Variants in RBFOX1 observed in about 807,000 individuals in gnomAD.
RBFOX1 encodes RNA binding fox-1 homolog 1, also known as RNA binding protein fox-1 homolog 1.
RBFOX1 carries 8 observed loss-of-function variants against 57.7 expected under a neutral mutation model. The observed-to-expected ratio is 0.14, with a 90% CI of 0.08 to 0.25. The LOEUF (loss-of-function observed/expected upper bound fraction) is 0.25, where lower values mean the gene tolerates loss of function less well. Ranked by LOEUF, RBFOX1 falls within the 10% of genes least tolerant of loss-of-function variation. The pLI, the probability that RBFOX1 is intolerant of heterozygous loss-of-function variation, is 1.00. For synonymous variants in RBFOX1, 326 were observed against 222.4 expected (o/e 1.47, Z -4.15); for missense variants, 611 against 548.5 (o/e 1.11, Z -1.14).
intron 1 of RBFOX1, among the ~76,000 whole-genome samples, chr16:6,280,437 G>A (rs1012297421): frequency 6.6e-6 from 1 of 152,080 alleles, no homozygotes; most frequent in Non-Finnish European, 1.5e-5. Context: ...GAAAGATGGA[G>A]ACAGATTGGA....
chr16:6,680,721 G>A (rs954982994), intron 3 of RBFOX1, among the ~76,000 whole-genome samples: 12 of 152,136 alleles, frequency 7.9e-5, no homozygotes, highest in Admixed American at 4.6e-4. Context: ...AGACTTCTGC[G>A]GTTCTGATTT....
chr16:7,488,362 T>G (rs1017233106), intron 4 of RBFOX1, among the ~76,000 whole-genome samples: 2 of 152,326 alleles, frequency 1.3e-5, no homozygotes, highest in East Asian at 1.9e-4. Flanking sequence ...GATACACATT[T>G]AGATATACAA....
chr16:5,829,059 C>T lies in RBFOX1; in HGVS notation c.319-38244C>T, dbSNP rs561096530. On this transcript the variant is annotated intron_variant, in intron 3 of 19. Transcript: ENST00000641259. Reference sequence around the variant, plus strand: ...GAAGGATCTGCTTTCAAGCCCTTTCCCTGTGCTGCATTCTATTCTTTAGAG... The same window carrying T: ...GAAGGATCTGCTTTCAAGCCCTTTCTCTGTGCTGCATTCTATTCTTTAGAG... Among the ~76,000 whole-genome samples, 5 of 152,238 alleles carry T rather than the reference C, an allele frequency of 3.3e-5. No individual in the cohort carries two copies. The South Asian group carries it at 6.2e-4, about 19-fold the overall frequency.
intron 4 of RBFOX1, among the ~76,000 whole-genome samples, chr16:7,123,092 G>A (rs543696666): frequency 4.6e-5 from 7 of 152,044 alleles, no homozygotes; most frequent in East Asian, 1.9e-4. Context: ...GAGTTTTTGG[G>A]GTGATGGAAC....
intron 4 of RBFOX1, among the ~76,000 whole-genome samples, chr16:6,006,378 A>G (rs2094927366): frequency 6.6e-6 from 1 of 150,572 alleles, no homozygotes; most frequent in South Asian, 2.1e-4. Context: ...CTGTAGGGAA[A>G]AAAAAAAAAG....
At chr16:7,341,130 C>G (rs1381425679) in intron 4 of RBFOX1, among the ~76,000 whole-genome samples, 1 of 151,992 alleles carries the variant, frequency 6.6e-6, no homozygotes, top group Non-Finnish European at 1.5e-5. Flanking sequence ...ATGTTTTTCC[C>G]CCGTCTAAAG....
Position 7,483,888 on chromosome 16 carries a change from AATTC to A in RBFOX1, c.28-34256_28-34253del, listed in dbSNP as rs535136245. On this transcript the variant is annotated intron_variant, in intron 4 of 15. Coordinates refer to ENST00000550418, the MANE Select transcript of RBFOX1 (RefSeq NM_018723.4). ...TTAAGTGATGGTTTATGTACAATCT[AATTC>A]ATCCGCTTAAGTGTACAGTTTGAAT... 4.2e-3 allele frequency among the ~76,000 whole-genome samples: 645 copies of A among 152,352 alleles called. 3 individuals are homozygous for A. The highest frequency in any genetic ancestry group is 0.013 in the South Asian group (65 of 4,830).
intron 3 of RBFOX1, among the ~76,000 whole-genome samples, chr16:7,029,552 G>A (rs1206142634): frequency 2.6e-5 from 4 of 151,934 alleles, no homozygotes; most frequent in African/African-American, 9.7e-5. Flanking sequence ...ATTTTACCTG[G>A]ACTAATATCT....
At chr16:6,593,819 C>CT (rs1208227541) in intron 2 of RBFOX1, among the ~76,000 whole-genome samples, 1 of 152,092 alleles carries the variant, frequency 6.6e-6, no homozygotes, top group Non-Finnish European at 1.5e-5. Context: ...TCAATGAGGA[C>CT]TACGGATATG....
At chr16:7,520,005 T>C (rs1321402972) in intron 5 of RBFOX1, among the ~76,000 whole-genome samples, 7 of 151,984 alleles carry the variant, frequency 4.6e-5, no homozygotes, top group Non-Finnish European at 1.0e-4. Context: ...CCTGCCTCAG[T>C]CTCCCGAGTA....
At chr16:5,785,806 C>T (rs1035995841) in intron 3 of RBFOX1, among the ~76,000 whole-genome samples, 2 of 152,162 alleles carry the variant, frequency 1.3e-5, no homozygotes, top group African/African-American at 4.8e-5. Context: ...GGATTATAGA[C>T]ATGAGCCTCT....
rs9930601 is a variant in RBFOX1, at chr16:7,344,039, C to G, written c.28-174108C>G. On this transcript the variant is annotated intron_variant, in intron 4 of 15. Transcript: ENST00000550418. ...GTTTTCTATATAGGGAAGCCAATAC[C>G]TTCTACTGGCTAAGAGTATGAGCCC... Among the ~76,000 whole-genome samples, 664 of 150,734 alleles carry G rather than the reference C, an allele frequency of 4.4e-3. 5 individuals are homozygous for G. The highest frequency in any genetic ancestry group is 0.016 in the African/African-American group (640 of 40,954).
intron 4 of RBFOX1, among the ~76,000 whole-genome samples, chr16:5,967,191 A>G (rs1041260986): frequency 2.0e-5 from 3 of 152,154 alleles, no homozygotes; most frequent in African/African-American, 7.2e-5. Context: ...ACCTTTTACA[A>G]AAACATTTGC....
chr16:7,275,075 C>T (rs572029352), intron 4 of RBFOX1, among the ~76,000 whole-genome samples: 50 of 152,098 alleles, frequency 3.3e-4, no homozygotes, highest in Admixed American at 1.0e-3. Context: ...CAGTGCTGAG[C>T]GGGCAGGGTT....
At chr16:6,969,747 TAAATA>T (rs562535011) in intron 3 of RBFOX1, among the ~76,000 whole-genome samples, 2 of 151,822 alleles carry the variant, frequency 1.3e-5, no homozygotes, top group Non-Finnish European at 2.9e-5. Context: ...CTGTCTCAAA[TAAATA>T]AAAATAAGGT....
At chr16:6,727,323 AT>A (rs1416280077) in intron 3 of RBFOX1, among the ~76,000 whole-genome samples, 3 of 152,138 alleles carry the variant, frequency 2.0e-5, no homozygotes, top group Non-Finnish European at 2.9e-5. Flanking sequence ...AAAAAACGCA[AT>A]TGCTTTTGCA....
rs372571102 is a variant in RBFOX1, at chr16:7,183,701, G to C, written c.27+131603G>C. 2.6e-5 allele frequency among the ~76,000 whole-genome samples: 4 copies of C among 152,262 alleles called. No individual in the cohort carries two copies. In the East Asian group the frequency reaches 5.8e-4, roughly 22 times the overall value. ...TTCAGGCAGAAATTTAGGAAGAGTT[G>C]ACTCACACTGAACACAAGCTAGTTC... On this transcript the variant is annotated intron_variant, in intron 4 of 15. Coordinates refer to ENST00000550418, the MANE Select transcript of RBFOX1 (RefSeq NM_018723.4).
intron 12 of RBFOX1, among the ~76,000 whole-genome samples, chr16:7,663,618 T>TA (rs1360674330): frequency 6.6e-6 from 1 of 152,128 alleles, no homozygotes; most frequent in Admixed American, 6.6e-5. Flanking sequence ...CCTTTGGTAT[T>TA]AAAGTTGTGT....
chr16:6,454,262 A>G (rs1487889316), intron 2 of RBFOX1, among the ~76,000 whole-genome samples: 1 of 152,208 alleles, frequency 6.6e-6, no homozygotes, highest in Non-Finnish European at 1.5e-5. Context: ...ACAACAGGAT[A>G]GAAAATTTTT....
Sources: gnomAD v4.1 joint callset for allele counts (sites outside exome capture counted in the v4.1 genomes callset) on GRCh38, gnomAD v4.1.1 for gene constraint, MANE v1.5 for transcripts, NCBI Gene and HGNC (gene_info 2026-07-23, HGNC 2026-07-21) for gene names.